Variants in BMPR1A observed in about 807,000 individuals in gnomAD.
The protein encoded by BMPR1A is bone morphogenetic protein receptor type-1A.
BMPR1A carries 7 observed loss-of-function variants against 66.0 expected under a neutral mutation model. The observed-to-expected ratio is 0.11, with a 90% CI of 0.06 to 0.20. The LOEUF (loss-of-function observed/expected upper bound fraction) is 0.20. Among genes scored for constraint, BMPR1A ranks in the 10% least tolerant of loss-of-function variants. The pLI is 1.00. For missense variants in BMPR1A, 408 were observed against 669.1 expected (o/e 0.61, Z 4.31); for synonymous variants, 200 against 229.7 (o/e 0.87, Z 1.17).
intron 1 of BMPR1A, among the ~76,000 whole-genome samples, chr10:86,802,806 T>TAA (rs1343438560): frequency 7.0e-6 from 1 of 143,522 alleles, no homozygotes; most frequent in Non-Finnish European, 1.5e-5. Context: ...CAGACATGTT[T>TAA]AAAAAAAAAA....
intron 3 of BMPR1A, among the ~76,000 whole-genome samples, chr10:86,885,204 G>C (rs1289964782): frequency 2.0e-5 from 3 of 152,112 alleles, no homozygotes; most frequent in Non-Finnish European, 4.4e-5. Context: ...AGTGAAGAAT[G>C]GTGTTTTTGC....
chr10:86,837,251 G>GTGTGTGTGTGTGTC (rs1564699429), intron 1 of BMPR1A, among the ~76,000 whole-genome samples: 1 of 127,128 alleles, frequency 7.9e-6, no homozygotes, highest in African/African-American at 4.0e-5. Context: ...GTGTGTCTGT[G>GTGTGTGTGTGTGTC]TGTGTGTGTG....
chr10:86,779,592 G>C (rs1841404921), intron 1 of BMPR1A, among the ~76,000 whole-genome samples: 1 of 152,036 alleles, frequency 6.6e-6, no homozygotes, highest in South Asian at 2.1e-4. Context: ...CTGATGATTA[G>C]TGCTGTTGAG....
chr10:86,877,125 A>G (rs936922656), intron 3 of BMPR1A, among the ~76,000 whole-genome samples: 1 of 151,996 alleles, frequency 6.6e-6, no homozygotes, highest in Non-Finnish European at 1.5e-5. Flanking sequence ...GCTTTTTCCT[A>G]ATGTTTTGAT....
intron 1 of BMPR1A, among the ~76,000 whole-genome samples, chr10:86,822,663 G>C (rs1404150745): frequency 6.6e-6 from 1 of 151,712 alleles, no homozygotes; most frequent in East Asian, 1.9e-4. Flanking sequence ...TTGAGGCAGA[G>C]TCTTACTCTG....
intron 1 of BMPR1A, among the ~76,000 whole-genome samples, chr10:86,763,403 G>A (rs1383057579): frequency 3.3e-5 from 5 of 151,906 alleles, no homozygotes; most frequent in African/African-American, 1.2e-4. Context: ...AACCCAATCC[G>A]AATCTTCGTT....
intron 3 of BMPR1A, among the ~76,000 whole-genome samples, chr10:86,877,691 T>G (rs2133331167): frequency 6.6e-6 from 1 of 152,352 alleles, no homozygotes; most frequent in Middle Eastern, 3.4e-3. Context: ...TACAATACCT[T>G]TACTTCAATA....
At chr10:86,776,999 C>T (rs1042399141) in intron 1 of BMPR1A, among the ~76,000 whole-genome samples, 3 of 152,146 alleles carry the variant, frequency 2.0e-5, no homozygotes, top group African/African-American at 4.8e-5. Flanking sequence ...CTCATGCCTT[C>T]TAGTGCCAAC....
chr10:86,773,564 C>G (rs1363206864), intron 1 of BMPR1A, among the ~76,000 whole-genome samples: 1 of 143,036 alleles, frequency 7.0e-6, no homozygotes, highest in African/African-American at 2.6e-5. Flanking sequence ...CTGCATTGCA[C>G]TCCAGCAACA....
chr10:86,835,271 A>G (rs1842325289), intron 1 of BMPR1A, among the ~76,000 whole-genome samples: 1 of 151,098 alleles, frequency 6.6e-6, no homozygotes, highest in Non-Finnish European at 1.5e-5. Flanking sequence ...AAACAGAAAA[A>G]AAACAAACAA....
chr10:86,831,970 C>G (rs747133411), intron 1 of BMPR1A, among the ~76,000 whole-genome samples: 1 of 152,090 alleles, frequency 6.6e-6, no homozygotes, highest in Admixed American at 6.6e-5. Context: ...TGGCTATACT[C>G]AAGTTTTTTG....
chr10:86,893,881 C>G (rs1843191334), intron 5 of BMPR1A, among the ~76,000 whole-genome samples: 1 of 152,152 alleles, frequency 6.6e-6, no homozygotes, highest in Non-Finnish European at 1.5e-5. Context: ...ACCCTTGTTG[C>G]AAATGACTGC....
At chr10:86,929,438 G>C (rs143453054), downstream of BMPR1A, 5 of 152,138 alleles carry the variant, frequency 3.3e-5, no homozygotes, top group African/African-American at 1.2e-4. Context: ...GAGTCCCACC[G>C]CCAGTCAGGG....
intron 1 of BMPR1A, among the ~76,000 whole-genome samples, chr10:86,773,599 A>AAAG (rs1299488310): frequency 5.1e-5 from 2 of 38,982 alleles, no homozygotes; most frequent in African/African-American, 4.4e-4. Context: ...CTCAGAAAGA[A>AAAG]AAAAAAAAAA....
At chr10:86,788,462 A>G (rs970211156) in intron 1 of BMPR1A, among the ~76,000 whole-genome samples, 14 of 152,220 alleles carry the variant, frequency 9.2e-5, no homozygotes, top group South Asian at 8.3e-4. Context: ...GTGTCCAGAC[A>G]TTGGTCTTAG....
chr10:86,902,446 T>C (rs984401966), intron 7 of BMPR1A, among the ~76,000 whole-genome samples: 1 of 152,158 alleles, frequency 6.6e-6, no homozygotes, highest in African/African-American at 2.4e-5. Context: ...CTGCCTGCAG[T>C]GCCTTCAGCC....
intron 1 of BMPR1A, among the ~76,000 whole-genome samples, chr10:86,820,270 T>G (rs139709501): frequency 9.1e-4 from 139 of 152,282 alleles, no homozygotes; most frequent in Admixed American, 2.0e-3. Context: ...CTCAAACTAC[T>G]GGGTTTAAGC....
At chr10:86,880,911 CTAGT>C (rs1161936541) in intron 3 of BMPR1A, among the ~76,000 whole-genome samples, 2 of 152,042 alleles carry the variant, frequency 1.3e-5, no homozygotes, top group African/African-American at 2.4e-5. Context: ...AAGAAAAAAA[CTAGT>C]TAGGGCTGAG....
In BMPR1A at chr10:86,884,394, A is replaced by ATTT. The variant is rs759424209; in HGVS notation, c.68-5633_68-5631dup. ...AGCCACCATGCCTGGCAAACACATGATTTTTTTTTTTTTTTTTTTTTTTTT... is the reference window on the plus strand; with the variant it reads ...AGCCACCATGCCTGGCAAACACATGATTTTTTTTTTTTTTTTTTTTTTTTTTTT... On this transcript the variant is annotated intron_variant, in intron 3 of 12. Transcript: ENST00000372037. 9.1e-3 allele frequency among the ~76,000 whole-genome samples: 450 copies of ATTT among 49,330 alleles called. 135 individuals are homozygous for ATTT. The highest frequency in any genetic ancestry group is 0.016 in the Non-Finnish European group (360 of 22,322). 32.4% of individuals were successfully genotyped at this position (49,330 alleles called of 152,430 possible).
Sources: gnomAD v4.1 joint callset for allele counts (sites outside exome capture counted in the v4.1 genomes callset) on GRCh38, gnomAD v4.1.1 for gene constraint, MANE v1.5 for transcripts, NCBI Gene and HGNC (gene_info 2026-07-23, HGNC 2026-07-21) for gene names.